The following FRMPD3 variants were observed in gnomAD, a reference collection of about 807,000 sequenced individuals.
The protein encoded by FRMPD3 is FERM and PDZ domain-containing protein 3.
FRMPD3 carries 42 observed loss-of-function variants against 97.9 expected under a neutral mutation model. The ratio of observed to expected loss-of-function variants is 0.43; its 90% CI spans 0.34 to 0.55. The LOEUF is 0.55. Among genes scored for constraint, FRMPD3 ranks in the 20% least tolerant of loss-of-function variants. The pLI is 0.03. For missense variants in FRMPD3, 1,303 were observed against 1,457.7 expected, an observed-to-expected ratio of 0.89 and a Z score of 1.73; for synonymous variants, 577 against 581.1, an observed-to-expected ratio of 0.99 and a Z score of 0.10.
intron 1 of FRMPD3, among the ~76,000 whole-genome samples, chrX:107,481,584 G>T (rs1483123592): frequency 1.8e-5 from 2 of 111,922 alleles, no homozygotes; most frequent in African/African-American, 6.5e-5. Flanking sequence ...TGAAGAGAGA[G>T]GGAGAGAGAG....
In FRMPD3 at chrX:107,449,979, A is replaced by T. The variant is rs953732218; in HGVS notation, c.-34A>T. Among the ~76,000 whole-genome samples, 11 of 110,574 alleles carry T rather than the reference A, an allele frequency of 9.9e-5. No individual in the cohort carries two copies. On this transcript the variant is annotated 5_prime_UTR_variant, in exon 1 of 15. Transcript: ENST00000683843. ...GAGGAGGAGGAGGAGGAGGAGGAAG[A>T]GGAGGAGGAAGAGGAGGGGGAGGAA...
Position 107,603,346 on chromosome X carries a change from C to G in FRMPD3, c.5307C>G (p.Thr1769=). The change falls in exon 15 of 15, where the codon ACC becomes ACG. Residue 1769 remains threonine, a synonymous_variant. Coordinates refer to ENST00000683843, the MANE Select transcript of FRMPD3 (RefSeq NM_001388459.1). The part of the protein sequence containing the change: ...PTSATVMSTF[T]HSLKTLIK Reference sequence around the variant, plus strand: ...CGGCGACTGTTATGAGCACATTCACCCACTCCTTAAAAACCCTTATTAAGT... The same window carrying G: ...CGGCGACTGTTATGAGCACATTCACGCACTCCTTAAAAACCCTTATTAAGT... 3.5e-6 allele frequency: 4 copies of G among 1,144,695 alleles called. No homozygotes were observed. The South Asian group carries it at 8.0e-5, about 23-fold the overall frequency. The allele number at this position is 1,144,695 out of a possible 1,213,427, so 94.3% of individuals were successfully genotyped here. A position where few individuals can be genotyped will look rare whatever the true frequency, so the allele number is the denominator to read the frequency against.
At position 107,560,026 on chromosome X, in the gene FRMPD3, G is replaced by A. The variant is rs144115814; in HGVS notation, c.763-231G>A. Among the ~76,000 whole-genome samples, 729 of 107,091 alleles carry A rather than the reference G, an allele frequency of 6.8e-3. 8 individuals are homozygous for A. The highest frequency in any genetic ancestry group is 0.023 in the African/African-American group (680 of 29,334). 93.0% of individuals were successfully genotyped at this position (107,091 alleles called of 115,157 possible). On this transcript the variant is annotated intron_variant, in intron 8 of 14. Coordinates refer to ENST00000683843, the MANE Select transcript of FRMPD3 (RefSeq NM_001388459.1). ...GTCTGCTTGTACCTTGCCATTGTGT[G>A]CCCCTGTCACTGAGAAGGCTATCTA...
chrX:107,516,859 G>T (rs1254721456), intron 1 of FRMPD3, among the ~76,000 whole-genome samples: 2 of 110,983 alleles, frequency 1.8e-5, no homozygotes, highest in African/African-American at 6.6e-5. Flanking sequence ...TTCTTTTGCT[G>T]TGCAGAAGCT....
intron 1 of FRMPD3, among the ~76,000 whole-genome samples, chrX:107,454,094 T>TTAGCCACACTAC (rs1931337586): frequency 8.9e-6 from 1 of 111,889 alleles, no homozygotes; most frequent in South Asian, 3.8e-4. Context: ...CACTTTGCCA[T>TTAGCCACACTAC]TAGCCACACT....
chrX:107,523,952 G>A (rs1196878792), intron 1 of FRMPD3, among the ~76,000 whole-genome samples: 2 of 111,986 alleles, frequency 1.8e-5, no homozygotes, highest in Non-Finnish European at 3.8e-5. Context: ...AGCACTGAGC[G>A]TAGGACAGTA....
intron 14 of FRMPD3, among the ~76,000 whole-genome samples, chrX:107,599,239 C>G (rs1436493834): frequency 9.2e-6 from 1 of 108,500 alleles, no homozygotes. Context: ...CACCACTGCA[C>G]TCCAGCCTGG....
chrX:107,476,943 G>A (rs748086112), intron 1 of FRMPD3, among the ~76,000 whole-genome samples: 17 of 112,065 alleles, frequency 1.5e-4, no homozygotes, highest in Non-Finnish European at 2.4e-4. Flanking sequence ...CCATCTGCCC[G>A]TTGGCTGGGA....
intron 1 of FRMPD3, among the ~76,000 whole-genome samples, chrX:107,504,912 T>G (rs772790775): frequency 2.3e-4 from 26 of 111,940 alleles, no homozygotes; most frequent in African/African-American, 8.1e-4. Context: ...CCCTGCTGGT[T>G]CCATTCACGT....
chrX:107,525,701 A>G, intron 1 of FRMPD3: 2 of 557,661 alleles, frequency 3.6e-6, no homozygotes, highest in Non-Finnish European at 6.5e-6. Flanking sequence ...TTTTGGTCCC[A>G]GACATTAGCA....
Position 107,526,755 on chromosome X carries a change from G to A in FRMPD3, c.148+19G>A. ...AGGCCAGGTAGGTGTCCCTCAGAGT[G>A]TTCCCCTAGCCCTGACTCCTGTCTC... On this transcript the variant is annotated intron_variant, in intron 2 of 14. Coordinates refer to ENST00000683843, the MANE Select transcript of FRMPD3 (RefSeq NM_001388459.1). The A allele has an allele frequency of 8.5e-7, 1 of 1,171,980 alleles. No homozygotes were observed. Among genetic ancestry groups the A allele is most frequent in the Non-Finnish European group, 1.1e-6 (1 of 873,108 alleles).
At chrX:107,478,987 C>T (rs777935858) in intron 1 of FRMPD3, among the ~76,000 whole-genome samples, 3 of 112,109 alleles carry the variant, frequency 2.7e-5, no homozygotes, top group South Asian at 7.6e-4. Context: ...CACCCCCGAA[C>T]CAATGACCAA....
chrX:107,583,434 A>G (rs1923490602), intron 13 of FRMPD3, among the ~76,000 whole-genome samples: 1 of 112,044 alleles, frequency 8.9e-6, no homozygotes, highest in Admixed American at 9.5e-5. Flanking sequence ...CTTTTTATGG[A>G]TGCATAGTAT....
chrX:107,592,535 T>A (rs1237265473), intron 13 of FRMPD3, among the ~76,000 whole-genome samples: 1 of 111,570 alleles, frequency 9.0e-6, no homozygotes, highest in Non-Finnish European at 1.9e-5. Context: ...CGTTGATTGA[T>A]GGGCATTTGG....
chrX:107,572,331 C>T (rs1450693781), intron 12 of FRMPD3, among the ~76,000 whole-genome samples: 1 of 111,828 alleles, frequency 8.9e-6, no homozygotes, highest in Non-Finnish European at 1.9e-5. Flanking sequence ...GGGAGGGGAG[C>T]ACCAGTGGAG....
At chrX:107,460,445 C>T (rs1448957061) in intron 1 of FRMPD3, among the ~76,000 whole-genome samples, 1 of 108,843 alleles carries the variant, frequency 9.2e-6, no homozygotes. Flanking sequence ...GGCTGGAATG[C>T]AGTGGCACCA....
At chrX:107,474,126 T>C (rs1295240259) in intron 1 of FRMPD3, among the ~76,000 whole-genome samples, 1 of 112,176 alleles carries the variant, frequency 8.9e-6, no homozygotes, top group African/African-American at 3.2e-5. Context: ...AAGTACACAG[T>C]CTTCCTCCCA....
chrX:107,588,784 CT>C (rs2086746867), intron 13 of FRMPD3, among the ~76,000 whole-genome samples: 1 of 111,742 alleles, frequency 8.9e-6, no homozygotes, highest in African/African-American at 3.3e-5. Context: ...CCTTTTCATT[CT>C]TTTTTCTCTA....
intron 1 of FRMPD3, among the ~76,000 whole-genome samples, chrX:107,486,020 C>T (rs777281803): frequency 8.9e-6 from 1 of 112,413 alleles, no homozygotes; most frequent in South Asian, 3.7e-4. Flanking sequence ...ATGCTGACTC[C>T]TGCCTTGTCC....
Sources: gnomAD v4.1 joint callset for allele counts (sites outside exome capture counted in the v4.1 genomes callset) on GRCh38, gnomAD v4.1.1 for gene constraint, MANE v1.5 for transcripts, NCBI Gene and HGNC (gene_info 2026-07-23, HGNC 2026-07-21) for gene names.